PRCC: variants seen among roughly 807,000 people sequenced by gnomAD.
The protein encoded by PRCC is proline-rich protein PRCC.
Under a neutral mutation model 44.0 loss-of-function variants are expected in PRCC, and 10 were observed. That is an observed-to-expected ratio of 0.23 (90% confidence interval 0.14 to 0.39). PRCC has a LOEUF of 0.39. Ranked by LOEUF, PRCC falls within the 10% of genes least tolerant of loss-of-function variation. The pLI, the probability that PRCC is intolerant of heterozygous loss-of-function variation, is 1.00. For missense variants in PRCC, 573 were observed against 624.7 expected (o/e 0.92, Z 0.88); for synonymous variants, 278 against 259.5 (o/e 1.07, Z -0.69).
intron 5 of PRCC, among the ~76,000 whole-genome samples, chr1:156,795,338 C>T (rs1418447576): frequency 1.8e-5 from 2 of 113,918 alleles, no homozygotes; most frequent in African/African-American, 6.6e-5. Flanking sequence ...CCCAGGCTGG[C>T]ATGCACTGGC....
At chr1:156,785,995 A>G (rs2102764748) in intron 2 of PRCC, among the ~76,000 whole-genome samples, 1 of 152,196 alleles carries the variant, frequency 6.6e-6, no homozygotes, top group Admixed American at 6.5e-5. Flanking sequence ...TATTTTTAAT[A>G]GAGACGGGCC....
At chr1:156,800,098 A>G (rs768755337) in intron 6 of PRCC, among the ~76,000 whole-genome samples, 18 of 151,816 alleles carry the variant, frequency 1.2e-4, no homozygotes, top group Non-Finnish European at 1.9e-4. Context: ...CCCATTTCCT[A>G]TTTCACCTTT....
At position 156,791,771 on chromosome 1, in the gene PRCC, C is replaced by T. The variant is rs776085548; in HGVS notation, c.1158C>T (p.Ala386=). ...LVPPQEIAPD[A]SFIDDEAFKR... Reference sequence around the variant, plus strand: ...CCCCCCAGGAAATTGCCCCAGATGCCTCCTTCATCGATGACGAAGCAGTAA... The same window carrying T: ...CCCCCCAGGAAATTGCCCCAGATGCTTCCTTCATCGATGACGAAGCAGTAA... Residue 386 remains alanine (A), a synonymous_variant, in exon 4 of 7, where the codon GCC becomes GCT. Coordinates refer to ENST00000271526, the MANE Select transcript of PRCC (RefSeq NM_005973.5). The T allele has an allele frequency of 6.2e-7, 1 of 1,613,932 alleles. No individual in the cohort carries two copies. Among genetic ancestry groups the T allele is most frequent in the African/African-American group, 1.3e-5 (1 of 74,972 alleles).
At position 156,783,798 on chromosome 1, in the gene PRCC, A is replaced by T. The variant is rs567456763; in HGVS notation, c.516+1469A>T. Among the ~76,000 whole-genome samples the T allele has an allele frequency of 3.9e-5, 6 of 151,984 alleles. No homozygotes were observed. The South Asian group carries it at 1.2e-3, about 32-fold the overall frequency. On this transcript the variant is annotated intron_variant, in intron 2 of 6. Transcript: ENST00000271526. Reference sequence around the variant, plus strand: ...AAAATAAAATAAAATAAAAAATAAAAAAATAAAATAGTGGCTGTCTTGTGA... The same window carrying T: ...AAAATAAAATAAAATAAAAAATAAATAAATAAAATAGTGGCTGTCTTGTGA...
At chr1:156,778,544 A>G (rs1571577876) in intron 1 of PRCC, among the ~76,000 whole-genome samples, 1 of 150,982 alleles carries the variant, frequency 6.6e-6, no homozygotes, top group East Asian at 1.9e-4. Context: ...TTGGGTAAAC[A>G]CCTAGAGAAG....
intron 3 of PRCC, among the ~76,000 whole-genome samples, chr1:156,789,986 G>A (rs1414666735): frequency 6.6e-6 from 1 of 152,206 alleles, no homozygotes; most frequent in Non-Finnish European, 1.5e-5. Context: ...TCAAGATGTA[G>A]AGGGCTCCTA....
At chr1:156,773,612 C>T (rs772237061) in intron 1 of PRCC, among the ~76,000 whole-genome samples, 4 of 152,142 alleles carry the variant, frequency 2.6e-5, no homozygotes, top group Non-Finnish European at 5.9e-5. Context: ...GGCACAGACC[C>T]ACTCAGATGG....
At chr1:156,790,609 C>T (rs907041430) in intron 3 of PRCC, among the ~76,000 whole-genome samples, 2 of 152,002 alleles carry the variant, frequency 1.3e-5, no homozygotes, top group Admixed American at 6.6e-5. Flanking sequence ...GCAACAAGAG[C>T]GAAACTCCAT....
chr1:156,778,668 G>A (rs1487218830), intron 1 of PRCC, among the ~76,000 whole-genome samples: 1 of 142,462 alleles, frequency 7.0e-6, no homozygotes, highest in Non-Finnish European at 1.5e-5. Flanking sequence ...CTGCAACCTC[G>A]ACTTCTTGGG....
chr1:156,780,402 T>A (rs11585863), intron 1 of PRCC, among the ~76,000 whole-genome samples: 4,457 of 151,582 alleles, frequency 0.029, 172 homozygotes, highest in South Asian at 0.13. Context: ...AAATTTATTT[T>A]AAATTTTTTT....
At chr1:156,796,969 G>A (rs946860853) in intron 5 of PRCC, 4 of 311,912 alleles carry the variant, frequency 1.3e-5, no homozygotes, top group South Asian at 3.4e-5. Flanking sequence ...CCCCATGCTG[G>A]GTGCTAGGGG....
chr1:156,785,377 G>A (rs778258916), intron 2 of PRCC, among the ~76,000 whole-genome samples: 35 of 152,012 alleles, frequency 2.3e-4, no homozygotes, highest in Admixed American at 2.0e-4. Flanking sequence ...AGGCATGCGT[G>A]GTGGTGAGCA....
At chr1:156,778,290 A>C (rs915407121) in intron 1 of PRCC, among the ~76,000 whole-genome samples, 1 of 152,108 alleles carries the variant, frequency 6.6e-6, no homozygotes, top group Non-Finnish European at 1.5e-5. Flanking sequence ...CTATTTGTCT[A>C]CTTTGTCTGC....
chr1:156,780,383 A>AT (rs1229373935), intron 1 of PRCC, among the ~76,000 whole-genome samples: 2 of 151,342 alleles, frequency 1.3e-5, no homozygotes, highest in Admixed American at 6.6e-5. Context: ...TCTATTGTTA[A>AT]TTTTTTTTAA....
intron 1 of PRCC, among the ~76,000 whole-genome samples, chr1:156,777,074 C>T (rs1040481006): frequency 1.3e-5 from 2 of 152,154 alleles, no homozygotes; most frequent in African/African-American, 4.8e-5. Flanking sequence ...GTGGTTGTGA[C>T]ATGGGTAAGT....
At chr1:156,787,446 GATTGATATATATATATATATATAT>G (rs780757537) in intron 3 of PRCC, among the ~76,000 whole-genome samples, 19,283 of 111,532 alleles carry the variant, frequency 0.17, 1,949 homozygotes, top group Non-Finnish European at 0.24. Context: ...ACATATTTGT[GATTGATATATATATATATATATAT>G]ATATATATAT....
chr1:156,797,199 A>T, intron 5 of PRCC, 77 bp from the exon 6 acceptor site: 6 of 1,589,282 alleles, frequency 3.8e-6, no homozygotes, highest in Non-Finnish European at 5.2e-6. Context: ...TCAGCCCCTA[A>T]CACCACACCA....
chr1:156,776,023 T>A (rs937179532), intron 1 of PRCC, among the ~76,000 whole-genome samples: 1 of 152,156 alleles, frequency 6.6e-6, no homozygotes, highest in African/African-American at 2.4e-5. Context: ...TGGTGTGTCA[T>A]GAGATGATTC....
intron 1 of PRCC, among the ~76,000 whole-genome samples, chr1:156,774,547 C>T (rs982044331): frequency 6.6e-6 from 1 of 151,672 alleles, no homozygotes; most frequent in East Asian, 1.9e-4. Context: ...AATGTTGTGT[C>T]TCGATTATGG....
Sources: allele counts gnomAD v4.1 joint callset (sites outside exome capture counted in the v4.1 genomes callset), GRCh38; gene constraint gnomAD v4.1.1; transcripts MANE v1.5; gene names NCBI Gene and HGNC (gene_info 2026-07-23, HGNC 2026-07-21).